CLASP1: variants seen among roughly 807,000 people sequenced by gnomAD.
CLASP1 encodes the protein cytoplasmic linker associated protein 1, also known as CLIP-associating protein 1.
CLASP1 carries 38 observed loss-of-function variants against 192.3 expected under a neutral mutation model. The ratio of observed to expected loss-of-function variants is 0.20; its 90% CI spans 0.15 to 0.26. CLASP1 has a LOEUF of 0.26. Ranked by LOEUF, CLASP1 falls within the 10% of genes least tolerant of loss-of-function variation. CLASP1 has a pLI of 1.00. For missense variants in CLASP1, 1,433 were observed against 1,932.5 expected, an observed-to-expected ratio of 0.74 and a Z score of 4.85; for synonymous variants, 691 against 712.8, an observed-to-expected ratio of 0.97 and a Z score of 0.49.
chr2:121,625,775 C>T lies in CLASP1; in HGVS notation c.-285-19595G>A, dbSNP rs1289084437. Among the ~76,000 whole-genome samples the T allele has an allele frequency of 2.7e-5, 4 of 150,700 alleles. No individual in the cohort carries two copies. In the East Asian group the frequency reaches 8.1e-4, roughly 31 times the overall value. On this transcript the variant is annotated intron_variant, in intron 1 of 39. Coordinates refer to ENST00000263710, the Ensembl canonical transcript of CLASP1. ...TAAGAGGTTCCTGAAACAGAAAAAT[C>T]CCCAGACTTAGGTGAGTAAGAAGAG...
At chr2:121,348,421 C>T (rs2063752722) in intron 38 of CLASP1, 91 bp downstream of exon 39, 1 of 1,182,650 alleles carries the variant, frequency 8.5e-7, no homozygotes, top group Admixed American at 2.2e-5. Context: ...CCGTCCCTGC[C>T]AGTGAAGGAG....
chr2:121,435,955 C>T (rs1169270914), intron 19 of CLASP1, among the ~76,000 whole-genome samples: 1 of 152,124 alleles, frequency 6.6e-6, no homozygotes, highest in Non-Finnish European at 1.5e-5. Flanking sequence ...GTTTTCTTTG[C>T]AGTTAATCTT....
At chr2:121,523,164 A>C (rs1264788990) in intron 6 of CLASP1, among the ~76,000 whole-genome samples, 4 of 152,246 alleles carry the variant, frequency 2.6e-5, no homozygotes, top group Non-Finnish European at 5.9e-5. Context: ...GGTGTCTTAC[A>C]TTGCGTCAGG....
chr2:121,442,209 TTCC>T (rs1252244023), intron 19 of CLASP1, among the ~76,000 whole-genome samples: 1 of 152,202 alleles, frequency 6.6e-6, no homozygotes, highest in African/African-American at 2.4e-5. Context: ...AATCATAAAC[TTCC>T]TCATGTGCAA....
chr2:121,422,515 T>A (rs1343804615), intron 22 of CLASP1, among the ~76,000 whole-genome samples: 1 of 152,214 alleles, frequency 6.6e-6, no homozygotes, highest in Non-Finnish European at 1.5e-5. Flanking sequence ...TAGTGATTTA[T>A]GTGACTTTAT....
chr2:121,492,186 G>A (rs1391628011), intron 8 of CLASP1, among the ~76,000 whole-genome samples: 4 of 151,892 alleles, frequency 2.6e-5, no homozygotes, highest in Admixed American at 2.0e-4. Flanking sequence ...TCAGGAGATC[G>A]AAACCATCCT....
intron 2 of CLASP1, among the ~76,000 whole-genome samples, chr2:121,531,583 G>A (rs1224126743): frequency 1.8e-5 from 2 of 109,412 alleles, no homozygotes; most frequent in African/African-American, 4.1e-5. Context: ...GCGACAGCGA[G>A]ACTCCATCTC....
At chr2:121,629,306 C>T (rs1270874111) in intron 1 of CLASP1, among the ~76,000 whole-genome samples, 3 of 151,860 alleles carry the variant, frequency 2.0e-5, no homozygotes, top group Non-Finnish European at 1.5e-5. Flanking sequence ...GGGAGAATGG[C>T]ATGAATCCGG....
At chr2:121,451,069 T>C (rs886779076) in intron 15 of CLASP1, 79 bp from the exon 16 acceptor site, 2 of 989,642 alleles carry the variant, frequency 2.0e-6, no homozygotes, top group East Asian at 2.4e-5. Flanking sequence ...GAGAAATAAC[T>C]TCCAAATGGC....
chr2:121,429,404 G>A (rs994477969), intron 20 of CLASP1, among the ~76,000 whole-genome samples: 8 of 152,202 alleles, frequency 5.3e-5, no homozygotes, highest in Admixed American at 4.6e-4. Context: ...TAGAGAGGAG[G>A]CGGGCCCCTT....
At chr2:121,597,465 AGTGTGTATGTGT>A (rs1350724119) in intron 2 of CLASP1, among the ~76,000 whole-genome samples, 1 of 152,142 alleles carries the variant, frequency 6.6e-6, no homozygotes, top group Non-Finnish European at 1.5e-5. Context: ...AGAGAGAGAT[AGTGTGTATGTGT>A]GTGTGTATGT....
rs376012396 is a variant in CLASP1, at chr2:121,397,097, C to T, written c.3123+43G>A. ...CTAAATACATTTCTCTAACACAAGC[C>T]CAGGAACAATCTGTAATTACACGTC... On this transcript the variant is annotated intron_variant, in intron 30 of 39. Coordinates refer to ENST00000263710, the Ensembl canonical transcript of CLASP1. The T allele has an allele frequency of 6.2e-6, 10 of 1,603,662 alleles. No homozygotes were observed. The African/African-American group carries it at 1.3e-4, about 21-fold the overall frequency.
At chr2:121,587,837 A>G (rs1037308113) in intron 2 of CLASP1, among the ~76,000 whole-genome samples, 2 of 150,434 alleles carry the variant, frequency 1.3e-5, no homozygotes, top group African/African-American at 2.4e-5. Flanking sequence ...TCTCAAAAAA[A>G]AAAAGGAAAA....
At chr2:121,517,615 G>A (rs1436761639) in intron 6 of CLASP1, among the ~76,000 whole-genome samples, 1 of 152,000 alleles carries the variant, frequency 6.6e-6, no homozygotes, top group Non-Finnish European at 1.5e-5. Context: ...AGCACTTTGG[G>A]AGGCCAAGGT....
intron 30 of CLASP1, among the ~76,000 whole-genome samples, chr2:121,392,167 A>G (rs544337670): frequency 2.0e-5 from 3 of 152,330 alleles, no homozygotes; most frequent in African/African-American, 7.2e-5. Flanking sequence ...TTTGGGGGCT[A>G]AATCTGTTGC....
intron 2 of CLASP1, among the ~76,000 whole-genome samples, chr2:121,561,433 G>T (rs893745225): frequency 1.3e-5 from 2 of 152,082 alleles, no homozygotes; most frequent in Admixed American, 1.3e-4. Context: ...GCAGTGCACT[G>T]ATCTCATACG....
chr2:121,579,774 G>A, intron 2 of CLASP1, among the ~76,000 whole-genome samples: 1 of 152,108 alleles, frequency 6.6e-6, no homozygotes, highest in East Asian at 1.9e-4. Flanking sequence ...AATAAACTCT[G>A]AACATTTGGC....
At chr2:121,552,084 A>G (rs1330224545) in intron 2 of CLASP1, among the ~76,000 whole-genome samples, 1 of 152,212 alleles carries the variant, frequency 6.6e-6, no homozygotes, top group East Asian at 1.9e-4. Flanking sequence ...GAAACAAGCA[A>G]TGGGGAAAAA....
intron 1 of CLASP1, among the ~76,000 whole-genome samples, chr2:121,648,667 T>A (rs2073634617): frequency 6.6e-6 from 1 of 152,216 alleles, no homozygotes; most frequent in Admixed American, 6.5e-5. Flanking sequence ...CACACACTCA[T>A]CTTCGTCAGA....
Sources: gnomAD v4.1 joint callset for allele counts (sites outside exome capture counted in the v4.1 genomes callset) on GRCh38, gnomAD v4.1.1 for gene constraint, MANE v1.5 for transcripts, NCBI Gene and HGNC (gene_info 2026-07-23, HGNC 2026-07-21) for gene names.